The following OAT variants were observed in gnomAD, a reference collection of about 807,000 sequenced individuals.
OAT encodes ornithine aminotransferase, also known as ornithine aminotransferase, mitochondrial.
A neutral mutation model predicts 48.4 loss-of-function variants in OAT; 35 were observed. The observed-to-expected ratio is 0.72, with a 90% confidence interval of 0.55 to 0.96. OAT has a LOEUF of 0.96. Ranked by LOEUF, OAT falls within the 40% of genes least tolerant of loss-of-function variation. The probability of loss-of-function intolerance (pLI) is 0.00; values close to 1 mark genes in which losing one functional copy is unlikely to be tolerated. For missense variants in OAT, 438 were observed against 537.9 expected, an observed-to-expected ratio of 0.81 and a Z score of 1.84; for synonymous variants, 182 against 198.4, an observed-to-expected ratio of 0.92 and a Z score of 0.70.
chr10:124,417,846 A>C (rs1276587283), intron 1 of OAT, among the ~76,000 whole-genome samples: 1 of 152,238 alleles, frequency 6.6e-6, no homozygotes, highest in Non-Finnish European at 1.5e-5. Context: ...TTCCAAAGTC[A>C]CTGTCTGTTC....
chr10:124,409,081 C>A, intron 2 of OAT, 116 bp from the exon 3 acceptor site: 1 of 690,946 alleles, frequency 1.4e-6, no homozygotes, highest in Non-Finnish European at 2.5e-6. Flanking sequence ...CTATTTAATA[C>A]ATATTTGTAG....
intron 9 of OAT, 49 bp downstream of exon 9, chr10:124,400,791 T>C: frequency 7.2e-7 from 1 of 1,379,336 alleles, no homozygotes; most frequent in Non-Finnish European, 1.0e-6. Flanking sequence ...CAAGTGTATT[T>C]TAGGTCTTCC....
In OAT at chr10:124,397,688, C is replaced by T. The variant is rs536682290; in HGVS notation, c.*254G>A. 2.2e-6 allele frequency: 1 copy of T among 462,156 alleles called. No individual in the cohort carries two copies. The highest frequency in any genetic ancestry group is 2.0e-5 in the African/African-American group (1 of 50,668). The allele number at this position is 462,156 out of a possible 1,614,324, so 28.6% of individuals were successfully genotyped here. ...GCTGTCTGTATATAGATGCATTTCA[C>T]CTTAGGAAGTACACATGCACATCAA... On this transcript the variant is annotated 3_prime_UTR_variant, in exon 10 of 10. Coordinates refer to ENST00000368845, the MANE Select transcript of OAT (RefSeq NM_000274.4).
chr10:124,417,301 T>C (rs1392512038), intron 1 of OAT, among the ~76,000 whole-genome samples: 1 of 146,958 alleles, frequency 6.8e-6, no homozygotes, highest in Non-Finnish European at 1.5e-5. Context: ...TTTTTTTTTT[T>C]TTTTTTCGAG....
At chr10:124,407,309 G>A in intron 4 of OAT, 1 of 984,990 alleles carries the variant, frequency 1.0e-6, no homozygotes, top group Non-Finnish European at 1.2e-6. Context: ...TTACAGTTAG[G>A]GACAGTCTTC....
At chr10:124,407,061 G>A (rs1951601791) in intron 4 of OAT, 2 of 985,358 alleles carry the variant, frequency 2.0e-6, no homozygotes, top group Non-Finnish European at 2.4e-6. Flanking sequence ...ATCAGTGCTG[G>A]ATTATCGTAT....
intron 1 of OAT, among the ~76,000 whole-genome samples, chr10:124,413,271 C>T (rs1282870835): frequency 1.1e-5 from 1 of 89,966 alleles, no homozygotes; most frequent in African/African-American, 6.9e-5. Context: ...AATACATACA[C>T]ACACACACAC....
intron 1 of OAT, among the ~76,000 whole-genome samples, chr10:124,417,221 TG>T (rs71026084): frequency 0.066 from 9,598 of 145,188 alleles, 443 homozygotes; most frequent in Non-Finnish European, 0.086. Flanking sequence ...GATTTTTCTT[TG>T]GGGGGGGGAT....
chr10:124,397,672 A>G lies in OAT; in HGVS notation c.*270T>C. 2 of 429,008 alleles carry G rather than the reference A, an allele frequency of 4.7e-6. No individual in the cohort carries two copies. The highest frequency in any genetic ancestry group is 2.3e-5 in the South Asian group (1 of 42,832). The allele number at this position is 429,008 out of a possible 1,614,324, so 26.6% of individuals were successfully genotyped here. ...AGGACTTGATTTAGAGGCTGTCTGTATATAGATGCATTTCACCTTAGGAAG... is the reference window on the plus strand; with the variant it reads ...AGGACTTGATTTAGAGGCTGTCTGTGTATAGATGCATTTCACCTTAGGAAG... On this transcript the variant is annotated 3_prime_UTR_variant, in exon 10 of 10. Coordinates refer to ENST00000368845, the MANE Select transcript of OAT (RefSeq NM_000274.4).
intron 1 of OAT, among the ~76,000 whole-genome samples, chr10:124,417,528 G>A (rs954711192): frequency 5.3e-5 from 8 of 152,188 alleles, no homozygotes; most frequent in South Asian, 2.1e-4. Flanking sequence ...CAGGTGATCC[G>A]CCTGCCTGGG....
rs888489712 is a variant in OAT at position 124,403,299 on chromosome 10, T to A, written c.772-244A>T. ...GAGGCCCATTCTGCCCTGCTCTACA[T>A]AGTGAAAAGGTGCTGATGCAAAGGT... On this transcript the variant is annotated intron_variant, in intron 6 of 9. Transcript: ENST00000368845. 1.6e-5 allele frequency: 9 copies of A among 569,298 alleles called. No individual in the cohort carries two copies. The African/African-American group carries it at 1.7e-4, about 11-fold the overall frequency. 35.3% of individuals were successfully genotyped at this position (569,298 alleles called of 1,614,324 possible). A position where few individuals can be genotyped will look rare whatever the true frequency, so the allele number is the denominator to read the frequency against.
intron 1 of OAT, among the ~76,000 whole-genome samples, chr10:124,415,693 C>T (rs1951897425): frequency 6.6e-6 from 1 of 152,076 alleles, no homozygotes; most frequent in South Asian, 2.1e-4. Context: ...GTTTGGAGAC[C>T]GGGATTTTAA....
intron 8 of OAT, 71 bp downstream of exon 8, chr10:124,401,655 T>C (rs1951411508): frequency 8.8e-6 from 9 of 1,018,484 alleles, no homozygotes; most frequent in African/African-American, 1.6e-5. Flanking sequence ...ATTATACCAG[T>C]GGGCCCAAAT....
intron 1 of OAT, among the ~76,000 whole-genome samples, chr10:124,416,569 C>CT (rs540939722): frequency 2.0e-4 from 31 of 152,188 alleles, no homozygotes; most frequent in Admixed American, 5.2e-4. Context: ...AGCTAGAATT[C>CT]TAACACTGAA....
In OAT at chr10:124,408,488, A is replaced by G; in HGVS notation, c.520+54T>C. 22 of 1,489,466 alleles carry G rather than the reference A, an allele frequency of 1.5e-5. No homozygotes were observed. The South Asian group carries it at 2.4e-4, about 16-fold the overall frequency. The allele number at this position is 1,489,466 out of a possible 1,614,324, so 92.3% of individuals were successfully genotyped here. A position where few individuals can be genotyped will look rare whatever the true frequency, so the allele number is the denominator to read the frequency against. Reference sequence around the variant, plus strand: ...GGCATGAGCCACCATGCCTGGCCACAGTAAATTATATTGTATGTTTCAATC... The same window carrying G: ...GGCATGAGCCACCATGCCTGGCCACGGTAAATTATATTGTATGTTTCAATC... On this transcript the variant is annotated intron_variant, in intron 4 of 9. Transcript: ENST00000368845.
At chr10:124,407,103 T>C in intron 4 of OAT, 1 of 985,470 alleles carries the variant, frequency 1.0e-6, no homozygotes. Flanking sequence ...AATACTATTC[T>C]TGCAAAGCCT....
chr10:124,409,302 C>G (rs141591457), intron 2 of OAT, among the ~76,000 whole-genome samples: 1 of 152,194 alleles, frequency 6.6e-6, no homozygotes, highest in Non-Finnish European at 1.5e-5. Flanking sequence ...CCGTGGCTCA[C>G]GCCTGTAATC....
intron 9 of OAT, among the ~76,000 whole-genome samples, chr10:124,400,493 G>A (rs991234252): frequency 6.7e-6 from 1 of 149,006 alleles, no homozygotes. Flanking sequence ...GTGGGCTCAC[G>A]CCTATAATCC....
chr10:124,406,498 A>T (rs1033179527), intron 4 of OAT, among the ~76,000 whole-genome samples: 11 of 150,056 alleles, frequency 7.3e-5, no homozygotes, highest in East Asian at 2.0e-4. Context: ...CAAAAAATAA[A>T]AATAATAATA....
Sources: allele counts gnomAD v4.1 joint callset (sites outside exome capture counted in the v4.1 genomes callset), GRCh38; gene constraint gnomAD v4.1.1; transcripts MANE v1.5; gene names NCBI Gene and HGNC (gene_info 2026-07-23, HGNC 2026-07-21).